The following AP3M1 variants were observed in gnomAD, a reference collection of about 807,000 sequenced individuals.
AP3M1 encodes adaptor related protein complex 3 subunit mu 1, also known as AP-3 complex subunit mu-1.
Under a neutral mutation model 42.6 loss-of-function variants are expected in AP3M1, and 29 were observed. That is an observed-to-expected ratio of 0.68 (90% CI 0.51 to 0.93). The LOEUF is 0.93. Among genes scored for constraint, AP3M1 ranks in the 40% least tolerant of loss-of-function variants. The probability of loss-of-function intolerance (pLI) is 0.00; values close to 1 mark genes in which losing one functional copy is unlikely to be tolerated. For synonymous variants in AP3M1, 178 were observed against 175.3 expected, an observed-to-expected ratio of 1.02 and a Z score of -0.12; for missense variants, 416 against 510.2, an observed-to-expected ratio of 0.82 and a Z score of 1.78.
Position 74,127,017 on chromosome 10 carries a change from A to G in AP3M1, c.804-662T>C, listed in dbSNP as rs539047748. On this transcript the variant is annotated intron_variant, in intron 6 of 8. Transcript: ENST00000355264. ...AAAAAAAAAAGTAAAAAATAACAATATAACTACAATAAAAATAAAAAGTCA... is the reference window on the plus strand; with the variant it reads ...AAAAAAAAAAGTAAAAAATAACAATGTAACTACAATAAAAATAAAAAGTCA... Among the ~76,000 whole-genome samples, 7 of 149,832 alleles carry G rather than the reference A, an allele frequency of 4.7e-5. No homozygotes were observed. In the East Asian group the frequency reaches 1.4e-3, roughly 29 times the overall value.
chr10:74,123,977 C>T (rs1174929977), intron 8 of AP3M1, 67 bp from the exon 9 acceptor site: 21 of 1,346,016 alleles, frequency 1.6e-5, no homozygotes, highest in Middle Eastern at 1.8e-4. Context: ...TAGCAATGAG[C>T]GCTATATGGT....
At chr10:74,131,906 T>G (rs1840789759) in intron 4 of AP3M1, among the ~76,000 whole-genome samples, 1 of 152,192 alleles carries the variant, frequency 6.6e-6, no homozygotes, top group Admixed American at 6.5e-5. Flanking sequence ...GAGAAGATAT[T>G]GACTATAATT....
intron 4 of AP3M1, 114 bp downstream of exon 4, chr10:74,133,912 CA>C (rs746172386): frequency 3.7e-6 from 5 of 1,349,032 alleles, no homozygotes; most frequent in Non-Finnish European, 5.0e-6. Context: ...CTTGGCCTCC[CA>C]AAGGGCTGGG....
chr10:74,129,336 C>T, intron 5 of AP3M1, 95 bp from the exon 6 acceptor site: 2 of 1,324,024 alleles, frequency 1.5e-6, no homozygotes, highest in Admixed American at 5.0e-5. Flanking sequence ...GAAGATAAAG[C>T]AGTCATGGAA....
At chr10:74,147,006 G>T (rs1841349711) in intron 1 of AP3M1, among the ~76,000 whole-genome samples, 1 of 152,168 alleles carries the variant, frequency 6.6e-6, no homozygotes, top group African/African-American at 2.4e-5. Flanking sequence ...AATGTCAGCT[G>T]GGCGTGGTGC....
intron 1 of AP3M1, among the ~76,000 whole-genome samples, chr10:74,147,782 C>T (rs11000895): frequency 0.13 from 19,862 of 152,026 alleles, 1,302 homozygotes; most frequent in Middle Eastern, 0.21. Flanking sequence ...GGGCAGATCA[C>T]GAGGTCAGGA....
chr10:74,129,867 A>T, intron 5 of AP3M1, 40 bp downstream of exon 5: 1 of 1,255,396 alleles, frequency 8.0e-7, no homozygotes, highest in Non-Finnish European at 1.2e-6. Context: ...CACATGTATT[A>T]GGCATTCAAG....
intron 4 of AP3M1, among the ~76,000 whole-genome samples, chr10:74,133,299 CAGA>C (rs1258894841): frequency 6.6e-6 from 1 of 151,550 alleles, no homozygotes; most frequent in African/African-American, 2.4e-5. Flanking sequence ...GAGGCTGAGG[CAGA>C]AGAACTGCTT....
At chr10:74,132,192 C>T (rs2032002348) in intron 4 of AP3M1, among the ~76,000 whole-genome samples, 1 of 151,964 alleles carries the variant, frequency 6.6e-6, no homozygotes, top group Non-Finnish European at 1.5e-5. Flanking sequence ...CGCCTGCCAC[C>T]ACGCCCAGCT....
chr10:74,123,856 C>T lies in AP3M1; in HGVS notation c.1211G>A (p.Gly404Glu). The T allele has an allele frequency of 6.2e-7, 1 of 1,614,126 alleles. No homozygotes were observed. Among genetic ancestry groups the T allele is most frequent in the Non-Finnish European group, 8.5e-7 (1 of 1,180,012 alleles). The change falls in exon 9 of 9, where the codon GGA becomes GAA. Residue 404 changes from glycine (G) to glutamate (E), a missense_variant. Physicochemically the swap from Gly to Glu is moderately conservative, Grantham distance 98. Coordinates refer to ENST00000355264, the MANE Select transcript of AP3M1 (RefSeq NM_012095.6). ...MYGEKYKPFK[G>E]VKYVTKAGKF... is the part of the protein sequence containing the mutation. Reference sequence around the variant, plus strand: ...TCCAGCTTTCGTGACGTATTTGACTCCTTTAAATGGCTTATATTTCTCCCC... The same window carrying T: ...TCCAGCTTTCGTGACGTATTTGACTTCTTTAAATGGCTTATATTTCTCCCC...
At chr10:74,136,506 CT>C in intron 3 of AP3M1, 125 bp downstream of exon 3, 1 of 643,740 alleles carries the variant, frequency 1.6e-6, no homozygotes. Context: ...TCCATTTTAA[CT>C]TTACCAGTAA....
At chr10:74,133,819 T>C (rs187862812) in intron 4 of AP3M1, among the ~76,000 whole-genome samples, 1 of 152,006 alleles carries the variant, frequency 6.6e-6, no homozygotes, top group Non-Finnish European at 1.5e-5. Context: ...CATGCCCGGC[T>C]AATTTTTTGT....
rs756409463 is a variant in AP3M1 at position 74,136,613 on chromosome 10, C to T, written c.445+19G>A. ...AGTTTTAATTGCTCAGTTACTAGCA[C>T]AGTATGTTTTCATCTTACCTGTAAT... On this transcript the variant is annotated intron_variant, in intron 3 of 8. Transcript: ENST00000355264. The T allele has an allele frequency of 1.3e-6, 2 of 1,507,012 alleles. No homozygotes were observed. Among genetic ancestry groups the T allele is most frequent in the Non-Finnish European group, 1.8e-6 (2 of 1,110,970 alleles). The allele number at this position is 1,507,012 out of a possible 1,614,324, so 93.4% of individuals were successfully genotyped here. A position where few individuals can be genotyped will look rare whatever the true frequency, so the allele number is the denominator to read the frequency against.
chr10:74,148,645 C>T (rs896470036), intron 1 of AP3M1, among the ~76,000 whole-genome samples: 1 of 152,042 alleles, frequency 6.6e-6, no homozygotes, highest in African/African-American at 2.4e-5. Flanking sequence ...CTCCTGGGCT[C>T]AAGTGATCCT....
intron 3 of AP3M1, among the ~76,000 whole-genome samples, chr10:74,136,049 C>T (rs1455166528): frequency 1.3e-5 from 2 of 152,198 alleles, no homozygotes; most frequent in African/African-American, 2.4e-5. Flanking sequence ...TCTAGCTACA[C>T]TCAAGAATTA....
chr10:74,132,712 T>A (rs367923963), intron 4 of AP3M1, among the ~76,000 whole-genome samples: 1 of 144,772 alleles, frequency 6.9e-6, no homozygotes. Context: ...ACCCTGTACT[T>A]AAAAAAAAAA....
Position 74,122,421 on chromosome 10 carries a change from A to G in AP3M1, c.*1389T>C, listed in dbSNP as rs1439276062. 6.6e-6 allele frequency: 1 copy of G among 152,228 alleles called. No individual in the cohort carries two copies. 9.4% of individuals were successfully genotyped at this position (152,228 alleles called of 1,614,324 possible). On this transcript the variant is annotated 3_prime_UTR_variant, in exon 9 of 9. Transcript: ENST00000355264. ...AAGGAAACATGAAGAACAAGCACTT[A>G]AGATATTAACTTTCAGTCTTTCTCC...
At chr10:74,129,027 T>C (rs1840697963) in intron 6 of AP3M1, 81 bp downstream of exon 6, 1 of 1,554,198 alleles carries the variant, frequency 6.4e-7, no homozygotes, top group Admixed American at 1.7e-5. Context: ...CCTCAAGTAC[T>C]CAACTTTCAG....
chr10:74,146,192 T>C (rs1429926897), intron 1 of AP3M1, among the ~76,000 whole-genome samples: 6 of 152,132 alleles, frequency 3.9e-5, no homozygotes, highest in African/African-American at 1.4e-4. Flanking sequence ...AAATCCAGTA[T>C]AAATTTAGCA....
Sources: allele counts gnomAD v4.1 joint callset (sites outside exome capture counted in the v4.1 genomes callset), GRCh38; gene constraint gnomAD v4.1.1; transcripts MANE v1.5; gene names NCBI Gene and HGNC (gene_info 2026-07-23, HGNC 2026-07-21).